The following PPM1L variants were observed in gnomAD, a reference collection of about 807,000 sequenced individuals.
The protein encoded by PPM1L is protein phosphatase, Mg2+/Mn2+ dependent 1L.
A neutral mutation model predicts 31.4 loss-of-function variants in PPM1L; 13 were observed. The observed-to-expected ratio is 0.41, with a 90% CI of 0.27 to 0.66. The LOEUF (loss-of-function observed/expected upper bound fraction) is 0.66, where lower values mean the gene tolerates loss of function less well. Ranked by LOEUF, PPM1L falls within the 30% of genes least tolerant of loss-of-function variation. PPM1L has a pLI of 0.29. For missense variants in PPM1L, 326 were observed against 453.7 expected, an observed-to-expected ratio of 0.72 and a Z score of 2.56; for synonymous variants, 184 against 175.4, an observed-to-expected ratio of 1.05 and a Z score of -0.39.
chr3:160,971,703 G>A (rs1716347381), intron 2 of PPM1L, among the ~76,000 whole-genome samples: 1 of 152,180 alleles, frequency 6.6e-6, no homozygotes, highest in African/African-American at 2.4e-5. Flanking sequence ...TTCTGTAACT[G>A]TGGTTATATG....
chr3:160,920,930 C>T (rs183194514), intron 1 of PPM1L, among the ~76,000 whole-genome samples: 1 of 152,074 alleles, frequency 6.6e-6, no homozygotes, highest in Non-Finnish European at 1.5e-5. Context: ...GACAGCAGCA[C>T]AGTAGTGACT....
chr3:160,774,720 T>C (rs975179479), intron 1 of PPM1L, among the ~76,000 whole-genome samples: 1 of 152,212 alleles, frequency 6.6e-6, no homozygotes, highest in Non-Finnish European at 1.5e-5. Context: ...GGGAAGAGGA[T>C]GTCTTGTCCT....
chr3:160,793,145 C>T (rs1325611051), intron 1 of PPM1L, among the ~76,000 whole-genome samples: 1 of 152,186 alleles, frequency 6.6e-6, no homozygotes, highest in African/African-American at 2.4e-5. Flanking sequence ...TCGCCCACCT[C>T]TTTTTCATAC....
At chr3:160,766,484 A>G (rs183159756) in intron 1 of PPM1L, among the ~76,000 whole-genome samples, 12 of 152,242 alleles carry the variant, frequency 7.9e-5, no homozygotes, top group Non-Finnish European at 1.2e-4. Flanking sequence ...TGATGGTTTT[A>G]TAAGGGGCTT....
chr3:160,789,516 A>T (rs1712036213), intron 1 of PPM1L, among the ~76,000 whole-genome samples: 1 of 151,940 alleles, frequency 6.6e-6, no homozygotes, highest in Non-Finnish European at 1.5e-5. Flanking sequence ...TTTATTCCCA[A>T]GCTTACTGGT....
chr3:160,820,740 C>A (rs1404653991), intron 1 of PPM1L, among the ~76,000 whole-genome samples: 1 of 151,970 alleles, frequency 6.6e-6, no homozygotes, highest in African/African-American at 2.4e-5. Context: ...CACTGCTGTC[C>A]ATTATGTGAA....
At chr3:160,922,389 A>G (rs1714445241) in intron 1 of PPM1L, among the ~76,000 whole-genome samples, 1 of 152,152 alleles carries the variant, frequency 6.6e-6, no homozygotes, top group Non-Finnish European at 1.5e-5. Flanking sequence ...TTTTATAGTT[A>G]CTTTCTCAGG....
chr3:160,983,325 C>T (rs1416502128), intron 2 of PPM1L, among the ~76,000 whole-genome samples: 1 of 152,024 alleles, frequency 6.6e-6, no homozygotes, highest in Non-Finnish European at 1.5e-5. Context: ...TTGACTGTAC[C>T]TCTTTGTAAA....
In PPM1L at chr3:160,756,784, TGTGTGTA is replaced by T. The variant is rs1714820500; in HGVS notation, c.399+78_399+84del. 7.0e-6 allele frequency: 10 copies of T among 1,422,904 alleles called. No individual in the cohort carries two copies. In the African/African-American group the frequency reaches 1.5e-4, roughly 22 times the overall value. The allele number at this position is 1,422,904 out of a possible 1,614,324, so 88.1% of individuals were successfully genotyped here. On this transcript the variant is annotated intron_variant, in intron 1 of 3. Coordinates refer to ENST00000498165, the MANE Select transcript of PPM1L (RefSeq NM_139245.4). This position sits in a 1 kb window ranked among gnomAD's most constrained non-coding sequence, Gnocchi z 6.2. ...GTGTGTGTGTGTGTGTGTGTGTGTG[TGTGTGTA>T]TAAACAACAGGACAGCGTGTGCGCA...
chr3:161,015,255 G>A (rs1253934905), intron 2 of PPM1L, among the ~76,000 whole-genome samples: 1 of 152,124 alleles, frequency 6.6e-6, no homozygotes, highest in Non-Finnish European at 1.5e-5. Flanking sequence ...TATTTACAGG[G>A]CACCTCAGTG....
chr3:160,823,026 G>A (rs1166398858), intron 1 of PPM1L, among the ~76,000 whole-genome samples: 1 of 151,856 alleles, frequency 6.6e-6, no homozygotes, highest in Non-Finnish European at 1.5e-5. Context: ...AAAAATAAAA[G>A]GTCCCTGCTC....
At chr3:160,816,515 A>G (rs1712999481) in intron 1 of PPM1L, among the ~76,000 whole-genome samples, 2 of 151,200 alleles carry the variant, frequency 1.3e-5, no homozygotes, top group South Asian at 4.2e-4. Flanking sequence ...CACAGCCTGT[A>G]TAAAGACAAG....
intron 1 of PPM1L, among the ~76,000 whole-genome samples, chr3:160,906,734 G>A (rs185980647): frequency 1.3e-5 from 2 of 152,302 alleles, no homozygotes; most frequent in African/African-American, 4.8e-5. Flanking sequence ...GGTTTGATGG[G>A]GTGGATTCAC....
chr3:160,845,750 T>C (rs1015734180), intron 1 of PPM1L, among the ~76,000 whole-genome samples: 9 of 152,174 alleles, frequency 5.9e-5, no homozygotes, highest in Non-Finnish European at 7.4e-5. Flanking sequence ...AAATCTGCGA[T>C]CCATTTAAGT....
At chr3:160,939,560 T>C (rs58693796) in intron 1 of PPM1L, 7,073 of 152,390 alleles carry the variant, frequency 0.046, 407 homozygotes, top group African/African-American at 0.12. Flanking sequence ...GTCTTTCTCA[T>C]GCTATTCTCA....
chr3:160,917,763 T>G (rs2108068434), intron 1 of PPM1L, among the ~76,000 whole-genome samples: 1 of 152,262 alleles, frequency 6.6e-6, no homozygotes, highest in South Asian at 2.1e-4. Context: ...TTTGGGACCG[T>G]TTAGTACATG....
At chr3:161,004,880 T>C (rs1717649026) in intron 2 of PPM1L, among the ~76,000 whole-genome samples, 1 of 152,210 alleles carries the variant, frequency 6.6e-6, no homozygotes, top group Admixed American at 6.5e-5. Flanking sequence ...TGCCTTCTGC[T>C]AGCTTTTGAA....
intron 1 of PPM1L, among the ~76,000 whole-genome samples, chr3:160,853,361 C>T (rs947563297): frequency 1.3e-5 from 2 of 152,212 alleles, no homozygotes; most frequent in African/African-American, 2.4e-5. Flanking sequence ...ACCTATCCTA[C>T]CTGTATTAAG....
chr3:160,861,455 C>T (rs1323226127), intron 1 of PPM1L, among the ~76,000 whole-genome samples: 3 of 152,108 alleles, frequency 2.0e-5, no homozygotes, highest in Non-Finnish European at 4.4e-5. Context: ...GCCAATTGCT[C>T]TTAAAGGCAT....
Sources: gnomAD v4.1 joint callset for allele counts (sites outside exome capture counted in the v4.1 genomes callset) on GRCh38, gnomAD v4.1.1 for gene constraint, Gnocchi (gnomAD v3.1) non-coding constraint, MANE v1.5 for transcripts, NCBI Gene and HGNC (gene_info 2026-07-23, HGNC 2026-07-21) for gene names.